Variants in COL22A1 observed in about 807,000 individuals in gnomAD.
COL22A1 encodes collagen alpha-1(XXII) chain.
In COL22A1, 221 loss-of-function variants were observed where a neutral mutation model predicts 248.9. The ratio of observed to expected loss-of-function variants is 0.89; its 90% confidence interval spans 0.80 to 0.99. COL22A1 has a LOEUF of 0.99. Among genes scored for constraint, COL22A1 ranks in the 50% least tolerant of loss-of-function variants. The pLI is 0.00. For synonymous variants in COL22A1, 891 were observed against 793.4 expected (o/e 1.12, Z -2.07); for missense variants, 2,240 against 2,179.0 (o/e 1.03, Z -0.56).
Position 138,714,606 on chromosome 8 carries a change from A to G in COL22A1, c.2517+1076T>C, listed in dbSNP as rs531473964. On this transcript the variant is annotated intron_variant, in intron 30 of 64. Coordinates refer to ENST00000303045, the MANE Select transcript of COL22A1 (RefSeq NM_152888.3). ...GTCCTGGAGGGTATGGCCACATCCC[A>G]TCGGCTTCCCTAAGCACTGTCCACA... is the stretch of plus-strand genomic sequence containing the variant. Among the ~76,000 whole-genome samples the G allele has an allele frequency of 2.0e-5, 3 of 152,228 alleles. No individual in the cohort carries two copies. The East Asian group carries it at 5.8e-4, about 29-fold the overall frequency.
At chr8:138,848,369 T>C (rs1472280341) in intron 3 of COL22A1, among the ~76,000 whole-genome samples, 1 of 152,192 alleles carries the variant, frequency 6.6e-6, no homozygotes, top group African/African-American at 2.4e-5. Flanking sequence ...CGGAAGCCTA[T>C]TGATTGATCA....
At chr8:138,803,597 A>G (rs1048885901) in intron 10 of COL22A1, among the ~76,000 whole-genome samples, 3 of 152,040 alleles carry the variant, frequency 2.0e-5, no homozygotes, top group African/African-American at 7.3e-5. Context: ...CAATTTGTAT[A>G]ACAAGTCCAT....
chr8:138,687,546 T>C (rs1366917711), intron 37 of COL22A1, among the ~76,000 whole-genome samples: 2 of 152,178 alleles, frequency 1.3e-5, no homozygotes, highest in Non-Finnish European at 1.5e-5. Flanking sequence ...CTGTGGACAA[T>C]CCATGCCCCA....
chr8:138,865,811 TTGTATGCCTGTGTGTGTGTGTATA>T (rs1328374855), intron 3 of COL22A1, among the ~76,000 whole-genome samples: 5 of 142,590 alleles, frequency 3.5e-5, no homozygotes, highest in African/African-American at 5.4e-5. Context: ...GTGTGTATGT[TTGTATGCCTGTGTGTGTGTGTATA>T]TGTATGCCTG....
chr8:138,783,187 G>A (rs1815187453), intron 12 of COL22A1, among the ~76,000 whole-genome samples: 1 of 152,082 alleles, frequency 6.6e-6, no homozygotes, highest in Non-Finnish European at 1.5e-5. Context: ...AGAGGAGGGT[G>A]GGTACTTTGG....
chr8:138,623,018 G>A (rs909551189), intron 52 of COL22A1, among the ~76,000 whole-genome samples: 1 of 151,646 alleles, frequency 6.6e-6, no homozygotes, highest in Admixed American at 6.6e-5. Flanking sequence ...TAGGCAAGAA[G>A]GACTGACCAA....
Position 138,802,855 on chromosome 8 carries a change from A to T in COL22A1, c.1557+17T>A. 1 of 1,607,314 alleles carries T rather than the reference A, an allele frequency of 6.2e-7. No homozygotes were observed. Among genetic ancestry groups the T allele is most frequent in the Non-Finnish European group, 8.5e-7 (1 of 1,173,854 alleles). On this transcript the variant is annotated intron_variant, in intron 11 of 64. Coordinates refer to ENST00000303045, the MANE Select transcript of COL22A1 (RefSeq NM_152888.3). The stretch of plus-strand genomic sequence containing the variant: ...GCCCTGAGGTTCAGCCATGTAGAGG[A>T]GCAGCCATCTACTCACCACATCACC...
chr8:138,719,452 G>A (rs778761265), intron 27 of COL22A1, among the ~76,000 whole-genome samples: 24 of 152,340 alleles, frequency 1.6e-4, no homozygotes, highest in Non-Finnish European at 2.6e-4. Context: ...TGGAATCCAG[G>A]AAGTGGGAGG....
intron 51 of COL22A1, among the ~76,000 whole-genome samples, chr8:138,625,766 A>G (rs929102940): frequency 3.3e-5 from 5 of 152,242 alleles, no homozygotes; most frequent in African/African-American, 1.2e-4. Context: ...CATTGCGTCT[A>G]TTAAATGTAA....
chr8:138,593,951 C>T lies in COL22A1; in HGVS notation c.4615+66G>A, dbSNP rs1352136028. The T allele has an allele frequency of 1.4e-5, 18 of 1,304,894 alleles. No individual in the cohort carries two copies. The Admixed American group carries it at 2.9e-4, about 21-fold the overall frequency. The allele number at this position is 1,304,894 out of a possible 1,614,324, so 80.8% of individuals were successfully genotyped here. On this transcript the variant is annotated intron_variant, in intron 63 of 64. Coordinates refer to ENST00000303045, the MANE Select transcript of COL22A1 (RefSeq NM_152888.3). ...TGAATAATGCATGCAGTGCCACCTC[C>T]CAGCCCTGTTCCTTCTCCGCCCTCC...
At chr8:138,868,767 G>C (rs1322545226) in intron 3 of COL22A1, among the ~76,000 whole-genome samples, 5 of 148,998 alleles carry the variant, frequency 3.4e-5, no homozygotes, top group Non-Finnish European at 5.9e-5. Context: ...GTCTCACTCT[G>C]TCACCCAGGC....
chr8:138,736,791 G>T (rs1370236880), intron 23 of COL22A1, among the ~76,000 whole-genome samples: 2 of 152,110 alleles, frequency 1.3e-5, no homozygotes, highest in African/African-American at 4.8e-5. Flanking sequence ...ACCTGCCTAG[G>T]AACAGAGGCC....
intron 9 of COL22A1, 47 bp downstream of exon 9, chr8:138,811,752 C>T (rs377437582): frequency 2.0e-5 from 33 of 1,611,262 alleles, no homozygotes; most frequent in Admixed American, 1.2e-4. Flanking sequence ...ACTCCCACTG[C>T]ACCACCCAGG....
intron 59 of COL22A1, 48 bp downstream of exon 59, chr8:138,604,686 A>G (rs2131846440): frequency 6.4e-7 from 1 of 1,566,958 alleles, no homozygotes; most frequent in East Asian, 2.2e-5. Context: ...TAGACTGCCC[A>G]TTGGTGGTAA....
intron 35 of COL22A1, among the ~76,000 whole-genome samples, chr8:138,691,920 A>C (rs1587875533): frequency 1.1e-5 from 1 of 93,236 alleles, no homozygotes; most frequent in Admixed American, 1.1e-4. Context: ...GCATGTGTGC[A>C]TGTTTGTGGA....
intron 12 of COL22A1, among the ~76,000 whole-genome samples, chr8:138,796,389 C>CTTTTTTTTTTT (rs11284610): frequency 1.5e-4 from 4 of 26,312 alleles, no homozygotes; most frequent in African/African-American, 2.7e-4. Flanking sequence ...TGCTACTTTC[C>CTTTTTTTTTTT]TTTTTTTTTT....
At chr8:138,758,876 A>G (rs954334903) in intron 18 of COL22A1, among the ~76,000 whole-genome samples, 1 of 152,178 alleles carries the variant, frequency 6.6e-6, no homozygotes, top group African/African-American at 2.4e-5. Flanking sequence ...CCCAATCTCT[A>G]AATAAGGTGG....
intron 23 of COL22A1, among the ~76,000 whole-genome samples, chr8:138,729,471 G>T (rs758023670): frequency 1.4e-4 from 22 of 152,138 alleles, no homozygotes; most frequent in Non-Finnish European, 2.8e-4. Context: ...CTTGTTTGAT[G>T]CTGTACACTT....
At chr8:138,613,951 A>T (rs1024705194) in intron 55 of COL22A1, 31 bp from the exon 56 acceptor site, 3 of 1,563,602 alleles carry the variant, frequency 1.9e-6, no homozygotes, top group Non-Finnish European at 1.8e-6. Context: ...TGGTGTCATC[A>T]TCAAGTCACT....
Sources: gnomAD v4.1 joint callset for allele counts (sites outside exome capture counted in the v4.1 genomes callset) on GRCh38, gnomAD v4.1.1 for gene constraint, MANE v1.5 for transcripts, NCBI Gene and HGNC (gene_info 2026-07-23, HGNC 2026-07-21) for gene names.